The following LYPD6 variants were observed in gnomAD, a reference collection of about 807,000 sequenced individuals.
The protein encoded by LYPD6 is ly6/PLAUR domain-containing protein 6.
Under a neutral mutation model 22.7 loss-of-function variants are expected in LYPD6, and 15 were observed. That is an observed-to-expected ratio of 0.66 (90% CI 0.44 to 1.02). LYPD6 has a LOEUF of 1.02. Ranked by LOEUF, LYPD6 falls within the 50% of genes least tolerant of loss-of-function variation. The pLI is 0.00. For synonymous variants in LYPD6, 72 were observed against 77.5 expected (o/e 0.93, Z 0.37); for missense variants, 189 against 208.4 (o/e 0.91, Z 0.57).
rs1200740356 is a variant in LYPD6, at chr2:149,454,922, C to G, written c.217+5775C>G. ...TGATCTCCTGTTTGTGCTCCCAGTC[C>G]CCTTGAGACCGATGAAGGTGCTGCC... is the stretch of plus-strand genomic sequence containing the variant. On this transcript the variant is annotated intron_variant, in intron 3 of 4. Coordinates refer to ENST00000334166, the MANE Select transcript of LYPD6 (RefSeq NM_194317.5). 4.6e-5 allele frequency among the ~76,000 whole-genome samples: 7 copies of G among 152,094 alleles called. No homozygotes were observed. The East Asian group carries it at 1.4e-3, about 29-fold the overall frequency.
At chr2:149,358,868 A>T (rs538132728) in intron 1 of LYPD6, among the ~76,000 whole-genome samples, 1 of 152,264 alleles carries the variant, frequency 6.6e-6, no homozygotes, top group South Asian at 2.1e-4. Flanking sequence ...GGTGATTGTG[A>T]TAAGTCCTTG....
At chr2:149,347,691 C>T (rs1206467600) in intron 1 of LYPD6, among the ~76,000 whole-genome samples, 9 of 152,032 alleles carry the variant, frequency 5.9e-5, no homozygotes, top group Admixed American at 5.9e-4. Context: ...AAGAAACTAT[C>T]TCTTATTGGT....
chr2:149,481,999 G>T, the LYPD6 span, among the ~76,000 whole-genome samples: 8 of 152,176 alleles, frequency 5.3e-5, no homozygotes, highest in Admixed American at 5.2e-4. Flanking sequence ...AGCTGTGGCT[G>T]CCCAGTGCAG....
At chr2:149,386,519 C>T (rs1336350557) in intron 1 of LYPD6, among the ~76,000 whole-genome samples, 2 of 152,124 alleles carry the variant, frequency 1.3e-5, no homozygotes, top group East Asian at 1.9e-4. Context: ...GGACCTGTGA[C>T]CTGCTTTCCA....
intron 1 of LYPD6, among the ~76,000 whole-genome samples, chr2:149,334,005 T>A (rs1297258104): frequency 6.6e-6 from 1 of 152,076 alleles, no homozygotes; most frequent in Non-Finnish European, 1.5e-5. Flanking sequence ...CATAAGAAAG[T>A]GGGAAGCATA....
intron 1 of LYPD6, among the ~76,000 whole-genome samples, chr2:149,368,915 C>A (rs1681741232): frequency 6.6e-6 from 1 of 152,018 alleles, no homozygotes; most frequent in South Asian, 2.1e-4. Context: ...GGGTGACTCG[C>A]CAGTCTACAA....
chr2:149,359,620 A>G (rs1681531099), intron 1 of LYPD6, among the ~76,000 whole-genome samples: 2 of 152,378 alleles, frequency 1.3e-5, no homozygotes, highest in South Asian at 2.1e-4. Flanking sequence ...ATTAAATTAC[A>G]GAAAAGGACC....
At chr2:149,344,746 G>A (rs1183439206) in intron 1 of LYPD6, among the ~76,000 whole-genome samples, 1 of 152,130 alleles carries the variant, frequency 6.6e-6, no homozygotes, top group African/African-American at 2.4e-5. Flanking sequence ...TGTGGGAGTG[G>A]GTGCGGGAGT....
chr2:149,446,910 TCTC>T lies in LYPD6; in HGVS notation c.119-2136_119-2134del, dbSNP rs1391640008. Among the ~76,000 whole-genome samples, 3 of 152,278 alleles carry T rather than the reference TCTC, an allele frequency of 2.0e-5. No homozygotes were observed. The East Asian group carries it at 5.8e-4, about 29-fold the overall frequency. On this transcript the variant is annotated intron_variant, in intron 2 of 4. Transcript: ENST00000334166. ...TCATTCTGGCCTTAAGCTACTGCCTTCTCCTTCATTTATTTTTGATAACATATC... is the reference window on the plus strand; with the variant it reads ...TCATTCTGGCCTTAAGCTACTGCCTTCTTCATTTATTTTTGATAACATATC...
At chr2:149,476,556 G>A (rs901287152), downstream of LYPD6, among the ~76,000 whole-genome samples, 1 of 152,096 alleles carries the variant, frequency 6.6e-6, no homozygotes, top group Non-Finnish European at 1.5e-5. Context: ...TGTTGTCTAA[G>A]TGGGGAAAGT....
chr2:149,470,555 G>T (rs1294920039), intron 4 of LYPD6, 128 bp from the exon 5 acceptor site: 2 of 718,674 alleles, frequency 2.8e-6, no homozygotes, highest in African/African-American at 3.5e-5. Flanking sequence ...CGTAGAGTTG[G>T]CATCTCCTTT....
chr2:149,486,279 A>C, the LYPD6 span, among the ~76,000 whole-genome samples: 2 of 152,216 alleles, frequency 1.3e-5, no homozygotes, highest in African/African-American at 4.8e-5. Context: ...ACCTGAAGTC[A>C]AGAAATCAGG....
chr2:149,366,581 G>A lies in LYPD6; in HGVS notation c.-72+35859G>A, dbSNP rs949186201. On this transcript the variant is annotated intron_variant, in intron 1 of 4. Transcript: ENST00000334166. ...GATGGCAAGAAGAGTCCAGGGACTG[G>A]GGGAGGTGCACTTGCAGGGGGTGGA... Among the ~76,000 whole-genome samples, 3 of 152,174 alleles carry A rather than the reference G, an allele frequency of 2.0e-5. No individual in the cohort carries two copies. The East Asian group carries it at 5.8e-4, about 29-fold the overall frequency.
chr2:149,435,660 A>G (rs1247908463), intron 1 of LYPD6, among the ~76,000 whole-genome samples: 2 of 152,222 alleles, frequency 1.3e-5, no homozygotes, highest in African/African-American at 2.4e-5. Flanking sequence ...ACTGGTGGAT[A>G]CTTGTTTTTT....
intron 1 of LYPD6, among the ~76,000 whole-genome samples, chr2:149,429,883 C>T (rs1240557085): frequency 3.9e-5 from 6 of 152,136 alleles, no homozygotes; most frequent in Non-Finnish European, 7.3e-5. Context: ...TCTCAAGGCA[C>T]TTAGGCTGCT....
At chr2:149,388,381 A>AT (rs1439972714) in intron 1 of LYPD6, among the ~76,000 whole-genome samples, 1 of 152,164 alleles carries the variant, frequency 6.6e-6, no homozygotes, top group Non-Finnish European at 1.5e-5. Flanking sequence ...ATAGAGTAGA[A>AT]TGCAATTGGC....
At chr2:149,435,826 CATT>C (rs1444470133) in intron 1 of LYPD6, among the ~76,000 whole-genome samples, 1 of 152,108 alleles carries the variant, frequency 6.6e-6, no homozygotes, top group African/African-American at 2.4e-5. Flanking sequence ...GCAAGGTTGG[CATT>C]ATCAAGCTGT....
intron 1 of LYPD6, among the ~76,000 whole-genome samples, chr2:149,394,015 A>G (rs1348657897): frequency 6.6e-6 from 1 of 152,170 alleles, no homozygotes; most frequent in African/African-American, 2.4e-5. Flanking sequence ...CTGCTTACAA[A>G]TCGGGCAGCT....
At chr2:149,477,622 C>CAAAAAAAAAAAAAAAA (rs35507967), downstream of LYPD6, among the ~76,000 whole-genome samples, 2 of 62,912 alleles carry the variant, frequency 3.2e-5, no homozygotes, top group Admixed American at 1.9e-4. Flanking sequence ...AACTGTGTCT[C>CAAAAAAAAAAAAAAAA]AAAAAAAAAA....
Sources: gnomAD v4.1 joint callset for allele counts (sites outside exome capture counted in the v4.1 genomes callset) on GRCh38, gnomAD v4.1.1 for gene constraint, MANE v1.5 for transcripts, NCBI Gene and HGNC (gene_info 2026-07-23, HGNC 2026-07-21) for gene names.